Variants in GRM8 observed in about 807,000 individuals in gnomAD.
The protein encoded by GRM8 is glutamate metabotropic receptor 8.
A neutral mutation model predicts 87.2 loss-of-function variants in GRM8; 47 were observed. The observed-to-expected ratio is 0.54, with a 90% CI of 0.43 to 0.69. The LOEUF (loss-of-function observed/expected upper bound fraction) is 0.69. GRM8 is among the 30% of genes least tolerant of loss of function. The probability of loss-of-function intolerance (pLI) is 0.00; values close to 1 mark genes in which losing one functional copy is unlikely to be tolerated. For missense variants in GRM8, 1,019 were observed against 1,139.2 expected (o/e 0.89, Z 1.52); for synonymous variants, 396 against 404.5 (o/e 0.98, Z 0.25).
At chr7:126,750,169 C>T (rs1490392301) in intron 7 of GRM8, among the ~76,000 whole-genome samples, 1 of 152,052 alleles carries the variant, frequency 6.6e-6, no homozygotes, top group African/African-American at 2.4e-5. Flanking sequence ...TACCAATAGA[C>T]ACAACACAGG....
At chr7:126,659,948 A>G (rs1804961570) in intron 7 of GRM8, among the ~76,000 whole-genome samples, 1 of 152,144 alleles carries the variant, frequency 6.6e-6, no homozygotes, top group South Asian at 2.1e-4. Context: ...TTTACATTAA[A>G]TATATTAATC....
At chr7:127,182,649 G>C (rs1464593312) in intron 2 of GRM8, among the ~76,000 whole-genome samples, 1 of 86,624 alleles carries the variant, frequency 1.2e-5, no homozygotes, top group Non-Finnish European at 2.9e-5. Context: ...GTGTGTGTGT[G>C]TGTGTGTGTG....
chr7:127,094,884 A>G (rs1824489136), intron 3 of GRM8, among the ~76,000 whole-genome samples: 1 of 152,202 alleles, frequency 6.6e-6, no homozygotes, highest in South Asian at 2.1e-4. Context: ...TTGAGGCTAA[A>G]TTCCTTTATA....
chr7:126,440,000 T>C (rs181888545), intron 10 of GRM8, among the ~76,000 whole-genome samples: 1 of 152,124 alleles, frequency 6.6e-6, no homozygotes, highest in East Asian at 1.9e-4. Context: ...TACAAACAAG[T>C]CAAAATTTAA....
At chr7:127,015,606 G>T (rs1412808033) in intron 3 of GRM8, among the ~76,000 whole-genome samples, 3 of 151,990 alleles carry the variant, frequency 2.0e-5, no homozygotes, top group African/African-American at 7.3e-5. Context: ...TCGCAATTCC[G>T]ACCACTACCC....
At chr7:126,848,454 T>C (rs555714438) in intron 6 of GRM8, among the ~76,000 whole-genome samples, 1 of 152,326 alleles carries the variant, frequency 6.6e-6, no homozygotes, top group East Asian at 1.9e-4. Context: ...TTCAGATAGT[T>C]GGGTTAAATA....
chr7:126,502,425 T>C (rs981370832), intron 9 of GRM8, among the ~76,000 whole-genome samples: 2 of 152,072 alleles, frequency 1.3e-5, no homozygotes, highest in African/African-American at 4.8e-5. Context: ...TACAGATAGA[T>C]CCGATTGCTT....
At chr7:126,486,138 A>G (rs1470900796) in intron 9 of GRM8, among the ~76,000 whole-genome samples, 1 of 151,980 alleles carries the variant, frequency 6.6e-6, no homozygotes. Context: ...CCATAGCTAC[A>G]TAGCTCTGAT....
chr7:127,151,128 T>C (rs763305121), intron 2 of GRM8, among the ~76,000 whole-genome samples: 2 of 152,004 alleles, frequency 1.3e-5, no homozygotes, highest in Non-Finnish European at 2.9e-5. Context: ...AAGGACTCTG[T>C]AGGAGGTCAG....
chr7:127,094,748 A>G (rs1007374541), intron 3 of GRM8, among the ~76,000 whole-genome samples: 4 of 152,216 alleles, frequency 2.6e-5, no homozygotes, highest in African/African-American at 9.7e-5. Context: ...TACAGTTGGC[A>G]ATAGGAGTTA....
intron 3 of GRM8, among the ~76,000 whole-genome samples, chr7:127,047,734 G>T (rs1376333790): frequency 6.6e-6 from 1 of 152,130 alleles, no homozygotes; most frequent in Non-Finnish European, 1.5e-5. Context: ...GAGCAGCTGA[G>T]GTAGGAGAAT....
chr7:126,677,360 CAAA>C (rs35134983), intron 7 of GRM8, among the ~76,000 whole-genome samples: 7 of 115,838 alleles, frequency 6.0e-5, no homozygotes, highest in South Asian at 2.7e-4. Context: ...GGCATCCACC[CAAA>C]AAAAAAAAAA....
At position 127,158,585 on chromosome 7, in the gene GRM8, C is replaced by T. The variant is rs140805973; in HGVS notation, c.511-51873G>A. The stretch of plus-strand genomic sequence containing the variant: ...AGTGTCTCGTGAGGGCTTGATTGTG[C>T]TTCAAAGATGGCACCTTGCTAATGT... On this transcript the variant is annotated intron_variant, in intron 2 of 10. Transcript: ENST00000339582. 4.5e-3 allele frequency among the ~76,000 whole-genome samples: 693 copies of T among 152,328 alleles called. 6 individuals are homozygous for T. Among genetic ancestry groups the T allele is most frequent in the African/African-American group, 0.016 (664 of 41,588 alleles).
At chr7:126,935,232 A>G (rs1437575167) in intron 3 of GRM8, among the ~76,000 whole-genome samples, 3 of 152,180 alleles carry the variant, frequency 2.0e-5, no homozygotes, top group Non-Finnish European at 4.4e-5. Context: ...ATGTTTGTGT[A>G]GATCACTTTA....
chr7:126,508,491 A>G (rs549341337), intron 9 of GRM8, among the ~76,000 whole-genome samples: 2 of 152,160 alleles, frequency 1.3e-5, no homozygotes, highest in East Asian at 1.9e-4. Context: ...CCACATCCCA[A>G]TACTGTTACT....
chr7:127,002,157 C>G (rs538555665), intron 3 of GRM8, among the ~76,000 whole-genome samples: 1 of 151,612 alleles, frequency 6.6e-6, no homozygotes, highest in South Asian at 2.1e-4. Flanking sequence ...ACTCATCAAA[C>G]TAGAATGGAT....
At chr7:126,682,014 CTAAATA>C (rs1458039745) in intron 7 of GRM8, among the ~76,000 whole-genome samples, 1 of 152,142 alleles carries the variant, frequency 6.6e-6, no homozygotes, top group Non-Finnish European at 1.5e-5. Flanking sequence ...AGCAACTTCT[CTAAATA>C]TAAAAAGTCT....
chr7:126,997,342 A>C (rs1586708377), intron 3 of GRM8, among the ~76,000 whole-genome samples: 1 of 151,768 alleles, frequency 6.6e-6, no homozygotes, highest in African/African-American at 2.4e-5. Flanking sequence ...ATATCAAAAA[A>C]AGAAAAACTT....
intron 8 of GRM8, among the ~76,000 whole-genome samples, chr7:126,591,042 A>T (rs1218770145): frequency 6.6e-6 from 1 of 152,130 alleles, no homozygotes; most frequent in Non-Finnish European, 1.5e-5. Context: ...ACCAACATTG[A>T]ATGTAAATGA....
Sources: allele counts gnomAD v4.1 joint callset (sites outside exome capture counted in the v4.1 genomes callset), GRCh38; gene constraint gnomAD v4.1.1; transcripts MANE v1.5; gene names NCBI Gene and HGNC (gene_info 2026-07-23, HGNC 2026-07-21).